Variants in ENTPD4 observed in about 807,000 individuals in gnomAD.
The protein encoded by ENTPD4 is ectonucleoside triphosphate diphosphohydrolase 4, also known as Golgi UDPase.
In ENTPD4, 60 loss-of-function variants were observed where a neutral mutation model predicts 79.1. That is an observed-to-expected ratio of 0.76 (90% CI 0.62 to 0.94). ENTPD4 has a LOEUF of 0.94. Ranked by LOEUF, ENTPD4 falls within the 40% of genes least tolerant of loss-of-function variation. The pLI is 0.00. For missense variants in ENTPD4, 772 were observed against 775.1 expected (o/e 1.00, Z 0.05); for synonymous variants, 276 against 292.0 (o/e 0.95, Z 0.56).
At chr8:23,454,674 T>G (rs1328918079) in intron 1 of ENTPD4, among the ~76,000 whole-genome samples, 1 of 152,134 alleles carries the variant, frequency 6.6e-6, no homozygotes, top group Admixed American at 6.5e-5. Context: ...CACAGCGCAC[T>G]TAGGAAACTT....
intron 5 of ENTPD4, among the ~76,000 whole-genome samples, chr8:23,444,241 C>T (rs1337369559): frequency 1.3e-5 from 2 of 152,144 alleles, no homozygotes; most frequent in Admixed American, 6.5e-5. Context: ...ACACCTTTAC[C>T]GTTGCCTATA....
intron 10 of ENTPD4, among the ~76,000 whole-genome samples, chr8:23,436,442 C>T (rs148481339): frequency 9.1e-4 from 139 of 152,034 alleles, no homozygotes; most frequent in African/African-American, 3.3e-3. Context: ...AGCAGGCAAC[C>T]GGGCAGGGGT....
Position 23,429,858 on chromosome 8 carries a change from T to G in ENTPD4, c.*3068A>C. 1.0e-6 allele frequency: 1 copy of G among 985,484 alleles called. No individual in the cohort carries two copies. Among genetic ancestry groups the G allele is most frequent in the Admixed American group, 6.1e-5 (1 of 16,296 alleles). The allele number at this position is 985,484 out of a possible 1,614,324, so 61.0% of individuals were successfully genotyped here. A position where few individuals can be genotyped will look rare whatever the true frequency, so the allele number is the denominator to read the frequency against. The stretch of plus-strand genomic sequence containing the variant: ...AAAAGCACTGGTACAGTTCCATGTG[T>G]TTCTCTTCTACTGTAATGTCCCCAG... On this transcript the variant is annotated 3_prime_UTR_variant, in exon 13 of 13. Coordinates refer to ENST00000358689, the MANE Select transcript of ENTPD4 (RefSeq NM_004901.5).
At chr8:23,437,536 T>C (rs1024227433) in intron 9 of ENTPD4, among the ~76,000 whole-genome samples, 2 of 152,170 alleles carry the variant, frequency 1.3e-5, no homozygotes, top group Admixed American at 6.5e-5. Context: ...CAACAAGGCC[T>C]GATGTTCCCA....
intron 2 of ENTPD4, among the ~76,000 whole-genome samples, chr8:23,449,496 T>G (rs1194079312): frequency 1.3e-5 from 2 of 152,196 alleles, no homozygotes; most frequent in African/African-American, 4.8e-5. Context: ...AACAGCATTT[T>G]AACAACATCC....
rs760673154 is a variant in ENTPD4 at position 23,448,971 on chromosome 8, A to G, written c.9-32T>C. 3.2e-6 allele frequency: 5 copies of G among 1,557,470 alleles called. No homozygotes were observed. The African/African-American group carries it at 5.4e-5, about 17-fold the overall frequency. ...TTAGAAGGAAAAAGATTTTAAAGCA[A>G]TCTGCTCCAATGAGGCTTCCTTCAC... is the stretch of plus-strand genomic sequence containing the variant. On this transcript the variant is annotated intron_variant, in intron 2 of 12. Transcript: ENST00000358689.
intron 1 of ENTPD4, among the ~76,000 whole-genome samples, chr8:23,450,802 T>G (rs1235257264): frequency 6.6e-6 from 1 of 152,130 alleles, no homozygotes; most frequent in Non-Finnish European, 1.5e-5. Flanking sequence ...CTACACTTTT[T>G]CAACAGCCTA....
rs181505296 is a variant in ENTPD4 at position 23,436,981 on chromosome 8, G to A, written c.1327C>T (p.Arg443Ter). The change falls in exon 10 of 13, where the codon CGA (arginine) becomes TGA (stop). Residue 443 changes from arginine to a stop codon, truncating the protein, a stop_gained. Transcript: ENST00000358689. LOFTEE classifies it high-confidence loss of function. ...EFYYCTEDVL[R>*]MGGDYNAAKF... ...GCAGCATTGTAGTCTCCCCCCATTC[G>A]TAACACATCCTCGGTGCAGTAGTAG... 1.7e-5 allele frequency: 28 copies of A among 1,612,282 alleles called. No homozygotes were observed. Among genetic ancestry groups the A allele is most frequent in the Admixed American group, 3.3e-5 (2 of 59,766 alleles).
chr8:23,429,253 G>C lies in ENTPD4; in HGVS notation c.*3673C>G, dbSNP rs1018594508. ...TACAGCAAGTGACATGACACCAAAA[G>C]GACCTTCCGAGAGTATTATTCTTAC... On this transcript the variant is annotated 3_prime_UTR_variant, in exon 13 of 13. Coordinates refer to ENST00000358689, the MANE Select transcript of ENTPD4 (RefSeq NM_004901.5). 2.0e-6 allele frequency: 2 copies of C among 985,256 alleles called. No homozygotes were observed. Among genetic ancestry groups the C allele is most frequent in the Admixed American group, 1.2e-4 (2 of 16,266 alleles). The allele number at this position is 985,256 out of a possible 1,614,324, so 61.0% of individuals were successfully genotyped here.
chr8:23,449,752 G>A, intron 2 of ENTPD4, 141 bp downstream of exon 2: 5 of 723,572 alleles, frequency 6.9e-6, no homozygotes, highest in Non-Finnish European at 1.3e-5. Context: ...ACCTCACTGG[G>A]CCCTGGAAGA....
At chr8:23,439,145 A>C (rs1276691039) in intron 9 of ENTPD4, among the ~76,000 whole-genome samples, 3 of 152,212 alleles carry the variant, frequency 2.0e-5, no homozygotes, top group Non-Finnish European at 2.9e-5. Context: ...AAACCAATAG[A>C]GTGCTGTTTT....
chr8:23,442,343 T>C (rs1800687529), intron 6 of ENTPD4, among the ~76,000 whole-genome samples: 1 of 152,238 alleles, frequency 6.6e-6, no homozygotes, highest in Non-Finnish European at 1.5e-5. Flanking sequence ...CAAAATACTA[T>C]AATTTTCACT....
intron 1 of ENTPD4, among the ~76,000 whole-genome samples, chr8:23,452,965 T>C (rs6557673): frequency 0.31 from 46,751 of 152,118 alleles, 7,510 homozygotes; most frequent in East Asian, 0.46. Flanking sequence ...CAGCCTCTTA[T>C]TCTTCTGTTT....
rs369795562 is a variant in ENTPD4 at position 23,443,855 on chromosome 8, T to C, written c.662A>G (p.Gln221Arg). The C allele has an allele frequency of 6.2e-7, 1 of 1,608,930 alleles. No individual in the cohort carries two copies. The highest frequency in any genetic ancestry group is 8.5e-7 in the Non-Finnish European group (1 of 1,175,484). The change falls in exon 6 of 13, where the codon CAA becomes CGA. Residue 221 changes from glutamine (Q) to arginine (R), a missense_variant. Physicochemically the swap from Gln to Arg is conservative, Grantham distance 43. Coordinates refer to ENST00000358689, the MANE Select transcript of ENTPD4 (RefSeq NM_004901.5). ...CTGAAGACCAATATACCAACCTTCT[T>C]GTTTCCCAGAAATTACTTCTGCATG... ...DSHAEVISGK[Q>R]EGVYAWIGIN...
chr8:23,444,627 A>C, intron 4 of ENTPD4, 21 bp from the exon 5 acceptor site: 1 of 1,609,946 alleles, frequency 6.2e-7, no homozygotes, highest in South Asian at 1.1e-5. Context: ...AGGATACTTT[A>C]GTTAAGAAGC....
At chr8:23,456,031 G>A (rs117280676) in intron 1 of ENTPD4, among the ~76,000 whole-genome samples, 366 of 152,244 alleles carry the variant, frequency 2.4e-3, no homozygotes, top group Non-Finnish European at 4.4e-3. Context: ...CACTGTGCAC[G>A]CCACACTTTA....
chr8:23,429,255 A>C lies in ENTPD4; in HGVS notation c.*3671T>G. ...CAGCAAGTGACATGACACCAAAAGG[A>C]CCTTCCGAGAGTATTATTCTTACTT... is the stretch of plus-strand genomic sequence containing the variant. On this transcript the variant is annotated 3_prime_UTR_variant, in exon 13 of 13. Coordinates refer to ENST00000358689, the MANE Select transcript of ENTPD4 (RefSeq NM_004901.5). 1 of 985,448 alleles carries C rather than the reference A, an allele frequency of 1.0e-6. No individual in the cohort carries two copies. The highest frequency in any genetic ancestry group is 1.2e-6 in the Non-Finnish European group (1 of 829,938). The allele number at this position is 985,448 out of a possible 1,614,324, so 61.0% of individuals were successfully genotyped here.
Position 23,439,739 on chromosome 8 carries a change from G to A in ENTPD4, c.1049+10C>T, listed in dbSNP as rs748793237. The A allele has an allele frequency of 1.5e-5, 24 of 1,613,272 alleles. No individual in the cohort carries two copies. Among genetic ancestry groups the A allele is most frequent in the Non-Finnish European group, 1.9e-5 (22 of 1,179,422 alleles). Reference sequence around the variant, plus strand: ...TGCAAATGACTGCCAAGTAGTGAAAGGTGCTTTACCTGTTCTTTTGAATGG... The same window carrying A: ...TGCAAATGACTGCCAAGTAGTGAAAAGTGCTTTACCTGTTCTTTTGAATGG... On this transcript the variant is annotated intron_variant, in intron 9 of 12. Transcript: ENST00000358689.
At position 23,443,965 on chromosome 8, in the gene ENTPD4, TA is replaced by T. The variant is rs769651057; in HGVS notation, c.564-13del. On this transcript the variant is annotated splice_polypyrimidine_tract_variant and intron_variant, in intron 5 of 12. Transcript: ENST00000358689. ...TAGCTTTCTGCTGGCTGTAAAGTAA[TA>T]AAAACATTTACAAATCAAAAGATTA... 7.8e-6 allele frequency: 12 copies of T among 1,539,986 alleles called. No individual in the cohort carries two copies. Among genetic ancestry groups the T allele is most frequent in the Non-Finnish European group, 1.1e-5 (12 of 1,117,704 alleles).
Sources: allele counts gnomAD v4.1 joint callset (sites outside exome capture counted in the v4.1 genomes callset), GRCh38; gene constraint gnomAD v4.1.1; transcripts MANE v1.5; gene names NCBI Gene and HGNC (gene_info 2026-07-23, HGNC 2026-07-21).